Variants in RHBDD1 observed in about 807,000 individuals in gnomAD.
The protein encoded by RHBDD1 is rhomboid domain containing 1.
Under a neutral mutation model 36.3 loss-of-function variants are expected in RHBDD1, and 38 were observed. That is an observed-to-expected ratio of 1.05 (90% CI 0.81 to 1.37). The LOEUF is 1.37. Among genes scored for constraint, RHBDD1 ranks in the 40% most tolerant of loss-of-function variants. RHBDD1 has a pLI of 0.00. For missense variants in RHBDD1, 393 were observed against 377.6 expected, an observed-to-expected ratio of 1.04 and a Z score of -0.34; for synonymous variants, 151 against 136.5, an observed-to-expected ratio of 1.11 and a Z score of -0.74.
chr2:226,948,197 G>C (rs1309860065), intron 8 of RHBDD1, among the ~76,000 whole-genome samples: 2 of 147,130 alleles, frequency 1.4e-5, no homozygotes. Context: ...ACTGGATTAA[G>C]AAAATGTGGC....
intron 8 of RHBDD1, among the ~76,000 whole-genome samples, chr2:226,976,180 G>T (rs1954540257): frequency 6.6e-6 from 1 of 150,660 alleles, no homozygotes; most frequent in African/African-American, 2.5e-5. Flanking sequence ...AAACTTAGCA[G>T]CCAAGCAGGG....
chr2:226,833,935 G>A (rs1280627682), upstream of RHBDD1, among the ~76,000 whole-genome samples: 1 of 152,092 alleles, frequency 6.6e-6, no homozygotes, highest in Non-Finnish European at 1.5e-5. Context: ...AATCACGTAG[G>A]ACAAAAGAGA....
At chr2:226,835,060 G>A (rs1388236257), upstream of RHBDD1, among the ~76,000 whole-genome samples, 4 of 152,216 alleles carry the variant, frequency 2.6e-5, no homozygotes, top group Admixed American at 6.5e-5. Context: ...ACAGGCGTGG[G>A]CCACCGCGCC....
At chr2:226,816,388 A>AG in the RHBDD1 span, among the ~76,000 whole-genome samples, 3 of 151,304 alleles carry the variant, frequency 2.0e-5, no homozygotes, top group Non-Finnish European at 4.4e-5. Flanking sequence ...AAAAAAAAAA[A>AG]AAAAAAAAGA....
chr2:226,909,533 C>A (rs1347733165), intron 7 of RHBDD1, among the ~76,000 whole-genome samples: 1 of 152,076 alleles, frequency 6.6e-6, no homozygotes, highest in Non-Finnish European at 1.5e-5. Flanking sequence ...TGCCCGTCCC[C>A]AAATTCATAC....
intron 3 of RHBDD1, among the ~76,000 whole-genome samples, chr2:226,850,346 T>A (rs1268186837): frequency 6.6e-6 from 1 of 152,220 alleles, no homozygotes; most frequent in Non-Finnish European, 1.5e-5. Context: ...AAATACTCAG[T>A]GTCTTAAATT....
chr2:226,944,443 G>T (rs902106790), intron 8 of RHBDD1, among the ~76,000 whole-genome samples: 4 of 152,230 alleles, frequency 2.6e-5, no homozygotes, highest in African/African-American at 9.6e-5. Flanking sequence ...CAATTAGGAC[G>T]TTCTGTCCTG....
At chr2:226,909,177 A>G (rs569240711) in intron 7 of RHBDD1, among the ~76,000 whole-genome samples, 20 of 152,294 alleles carry the variant, frequency 1.3e-4, no homozygotes, top group Admixed American at 1.2e-3. Flanking sequence ...TTTAAGTCTC[A>G]GTCTGAGACT....
intron 8 of RHBDD1, among the ~76,000 whole-genome samples, chr2:226,948,573 A>AT (rs58180877): frequency 0.45 from 61,874 of 137,492 alleles, 14,774 homozygotes; most frequent in African/African-American, 0.53. Flanking sequence ...ATAAAAAAAA[A>AT]AAAAAAAAAA....
intron 8 of RHBDD1, among the ~76,000 whole-genome samples, chr2:226,927,039 A>T (rs1486982448): frequency 1.3e-5 from 2 of 152,132 alleles, no homozygotes; most frequent in Non-Finnish European, 2.9e-5. Flanking sequence ...GGTTTATCAT[A>T]ACAATCTAGA....
intron 3 of RHBDD1, among the ~76,000 whole-genome samples, chr2:226,841,459 C>G (rs1034192208): frequency 1.3e-5 from 2 of 152,184 alleles, no homozygotes; most frequent in African/African-American, 4.8e-5. Flanking sequence ...CTGCCTACCA[C>G]ACCTCCCTGA....
At position 226,906,813 on chromosome 2, in the gene RHBDD1, T is replaced by C. The variant is rs1409193732; in HGVS notation, c.587T>C (p.Leu196Pro). 1 of 1,614,168 alleles carries C rather than the reference T, an allele frequency of 6.2e-7. No individual in the cohort carries two copies. Among genetic ancestry groups the C allele is most frequent in the Non-Finnish European group, 8.5e-7 (1 of 1,179,992 alleles). The change falls in exon 6 of 9, where the codon CTG becomes CCG. Residue 196 changes from leucine to proline, a missense_variant. Coordinates refer to ENST00000392062, the MANE Select transcript of RHBDD1 (RefSeq NM_001167608.3). ...CCTAGGACTTCCTTCGCTGGGCATC[T>C]GGCTGGGATTCTTGTTGGACTAATG... is the stretch of plus-strand genomic sequence containing the variant. ...FSPGTSFAGH[L>P]AGILVGLMYT... is the part of the protein sequence containing the mutation.
At chr2:226,918,825 TA>T (rs1248732667) in intron 8 of RHBDD1, among the ~76,000 whole-genome samples, 1 of 152,106 alleles carries the variant, frequency 6.6e-6, no homozygotes, top group Non-Finnish European at 1.5e-5. Context: ...TTTGGGCATA[TA>T]CCTAGCAGTA....
chr2:226,940,989 C>T (rs1950625935), intron 8 of RHBDD1, among the ~76,000 whole-genome samples: 1 of 151,842 alleles, frequency 6.6e-6, no homozygotes, highest in African/African-American at 2.4e-5. Context: ...CTCTATTGCC[C>T]AGGCTGGAGT....
At chr2:226,940,221 G>A (rs926130100) in intron 8 of RHBDD1, among the ~76,000 whole-genome samples, 1 of 152,100 alleles carries the variant, frequency 6.6e-6, no homozygotes, top group Non-Finnish European at 1.5e-5. Flanking sequence ...ACCTCAGGCA[G>A]TACCATTCAG....
chr2:226,850,067 T>C (rs1333815762), intron 3 of RHBDD1, among the ~76,000 whole-genome samples: 2 of 152,210 alleles, frequency 1.3e-5, no homozygotes, highest in Non-Finnish European at 2.9e-5. Context: ...ACAATAATAA[T>C]ATCAACAACG....
At chr2:226,847,179 C>A (rs1942313991) in intron 3 of RHBDD1, among the ~76,000 whole-genome samples, 1 of 152,094 alleles carries the variant, frequency 6.6e-6, no homozygotes, top group African/African-American at 2.4e-5. Context: ...CAAATTATTC[C>A]CTAATATACA....
At chr2:226,830,236 C>T in the RHBDD1 span, among the ~76,000 whole-genome samples, 2 of 152,110 alleles carry the variant, frequency 1.3e-5, no homozygotes, top group African/African-American at 2.4e-5. Flanking sequence ...TGAATGAGAT[C>T]GTGCCCTTAT....
Position 226,912,333 on chromosome 2 carries a change from G to A in RHBDD1, c.713-1875G>A, listed in dbSNP as rs529229810. On this transcript the variant is annotated intron_variant, in intron 7 of 8. Transcript: ENST00000392062. ...TAGTTAAACAGAATCGCCATGTGAC[G>A]CAGCAGTTCCACTTTTAGGTATATA... 1.9e-4 allele frequency among the ~76,000 whole-genome samples: 29 copies of A among 152,214 alleles called. 1 individual carries two copies. The South Asian group carries it at 5.4e-3, about 28-fold the overall frequency.
Sources: allele counts gnomAD v4.1 joint callset (sites outside exome capture counted in the v4.1 genomes callset), GRCh38; gene constraint gnomAD v4.1.1; transcripts MANE v1.5; gene names NCBI Gene and HGNC (gene_info 2026-07-23, HGNC 2026-07-21).